Variants in FANCI observed in about 807,000 individuals in gnomAD.
FANCI encodes the protein FA complementation group I, also known as Fanconi anemia group I protein.
A neutral mutation model predicts 176.1 loss-of-function variants in FANCI; 156 were observed. The ratio of observed to expected loss-of-function variants is 0.89; its 90% confidence interval spans 0.78 to 1.01. The LOEUF (loss-of-function observed/expected upper bound fraction) is 1.01. Ranked by LOEUF, FANCI falls within the 50% of genes least tolerant of loss-of-function variation. The pLI is 0.00. For synonymous variants in FANCI, 613 were observed against 541.7 expected (o/e 1.13, Z -1.83); for missense variants, 1,678 against 1,534.1 (o/e 1.09, Z -1.57).
chr15:89,274,185 G>C lies in FANCI; in HGVS notation c.993G>C (p.Lys331Asn), dbSNP rs146916445. 3 of 1,575,494 alleles carry C rather than the reference G, an allele frequency of 1.9e-6. No homozygotes were observed. In the Middle Eastern group the frequency reaches 5.7e-4, roughly 301 times the overall value. Residue 331 changes from lysine (K) to asparagine (N), a missense_variant, in exon 12 of 38, where the codon AAG (lysine) becomes AAC (asparagine). By Grantham distance (94) the Lys-to-Asn change is moderately conservative. This residue lies in a region of FANCI where 469 missense variants were observed against 436.9 expected (regional missense o/e 1.07). Coordinates refer to ENST00000310775, the MANE Select transcript of FANCI (RefSeq NM_001113378.2). The stretch of plus-strand genomic sequence containing the variant: ...TACTCAAGGTGCTTGATCTTTTAAA[G>C]ACTTCGGTTGTAAAGAGCTTTAAGG... ...RFQDQVLDLL[K>N]TSVVKSFKDL...
Position 89,305,170 on chromosome 15 carries a change from G to A in FANCI, c.3114G>A (p.Ser1038=), listed in dbSNP as rs567952571. 278 of 1,614,164 alleles carry A rather than the reference G, an allele frequency of 1.7e-4. No homozygotes were observed. The highest frequency in any genetic ancestry group is 2.2e-4 in the Non-Finnish European group (259 of 1,180,032). Residue 1038 remains serine, a synonymous_variant, in exon 29 of 38, where the codon TCG becomes TCA. Coordinates refer to ENST00000310775, the MANE Select transcript of FANCI (RefSeq NM_001113378.2). The part of the protein sequence containing the change: ...LMNLLFSLHV[S]YKSPVILLRD... Reference sequence around the variant, plus strand: ...ACTTGCTCTTCAGCCTGCATGTTTCGTATAAGAGTCCTGTCATTCTGCTGC... The same window carrying A: ...ACTTGCTCTTCAGCCTGCATGTTTCATATAAGAGTCCTGTCATTCTGCTGC...
At chr15:89,293,107 C>T (rs948259021) in intron 22 of FANCI, 44 bp downstream of exon 22, 2 of 1,598,998 alleles carry the variant, frequency 1.3e-6, no homozygotes, top group Middle Eastern at 2.2e-4. Flanking sequence ...ATGAATTCTC[C>T]ATTTTATTTA....
At chr15:89,278,349 A>G (rs1017568624) in intron 13 of FANCI, among the ~76,000 whole-genome samples, 1 of 152,232 alleles carries the variant, frequency 6.6e-6, no homozygotes, top group East Asian at 1.9e-4. Context: ...TTTTTAGAAT[A>G]AAAGTTATGT....
chr15:89,245,399 A>G (rs1407815944), intron 1 of FANCI: 1 of 117,042 alleles, frequency 8.5e-6, no homozygotes, highest in African/African-American at 3.4e-5. Context: ...GGGTTTCACC[A>G]TCTTGGCCAG....
In FANCI at chr15:89,293,287, T is replaced by TA. The variant is rs565786186; in HGVS notation, c.2291+225dup. On this transcript the variant is annotated intron_variant, in intron 22 of 37. Coordinates refer to ENST00000310775, the MANE Select transcript of FANCI (RefSeq NM_001113378.2). ...GAAAGCCTTCCAGCAGGGTTTCACTTACTCAGAATTTCCCAGACCCTGAAT... is the reference window on the plus strand; with the variant it reads ...GAAAGCCTTCCAGCAGGGTTTCACTTAACTCAGAATTTCCCAGACCCTGAAT... 1.4e-3 allele frequency among the ~76,000 whole-genome samples: 217 copies of TA among 152,332 alleles called. 1 individual carries two copies. The highest frequency in any genetic ancestry group is 4.7e-3 in the African/African-American group (194 of 41,570).
intron 27 of FANCI, 128 bp downstream of exon 27, chr15:89,301,570 A>G: frequency 1.3e-6 from 1 of 778,478 alleles, no homozygotes. Context: ...TTAATTATAC[A>G]CCTGAGTTAA....
At chr15:89,303,750 T>C (rs2054609515) in intron 27 of FANCI, 114 bp from the exon 28 acceptor site, 11 of 830,666 alleles carry the variant, frequency 1.3e-5, no homozygotes, top group East Asian at 5.0e-5. Context: ...TCTAAGGACA[T>C]GTTTTGGCAG....
In FANCI at chr15:89,305,404, G is replaced by A. The variant is rs1216297905; in HGVS notation, c.3250G>A (p.Val1084Ile). 1.2e-6 allele frequency: 2 copies of A among 1,613,468 alleles called. No homozygotes were observed. Among genetic ancestry groups the A allele is most frequent in the Non-Finnish European group, 8.5e-7 (1 of 1,179,982 alleles). ...GAATTTGAGAACGGCTGCCCCCACT[G>A]TCTGTGTAAGTGTTGTACCTGAGCC... is the stretch of plus-strand genomic sequence containing the variant. The part of the protein sequence containing the change: ...IVNLRTAAPT[V>I]CLLVLSQAEK... Residue 1084 changes from valine (V) to isoleucine (I), a missense_variant, in exon 30 of 38, where the codon GTC (valine) becomes ATC (isoleucine). This residue lies in a region of FANCI where 1,204 missense variants were observed against 1,077.4 expected (regional missense o/e 1.12). Coordinates refer to ENST00000310775, the MANE Select transcript of FANCI (RefSeq NM_001113378.2).
intron 17 of FANCI, among the ~76,000 whole-genome samples, chr15:89,284,353 G>A (rs933263205): frequency 1.3e-5 from 2 of 152,086 alleles, no homozygotes; most frequent in African/African-American, 4.8e-5. Context: ...ATATATAACA[G>A]TTTGACTAGG....
In FANCI at chr15:89,273,425, G is replaced by A. The variant is rs2053278577; in HGVS notation, c.931G>A (p.Ala311Thr). The change falls in exon 11 of 38, where the codon GCT becomes ACT. Residue 311 changes from alanine (A) to threonine (T), a missense_variant. Coordinates refer to ENST00000310775, the MANE Select transcript of FANCI (RefSeq NM_001113378.2). ...SNNNLSPFSIALLLSVTRIQR... is the reference protein window; with the variant it reads ...SNNNLSPFSITLLLSVTRIQR... Reference sequence around the variant, plus strand: ...TAATAACTTAAGTCCCTTCAGCATTGCTCTTCTTCTGTCTGTAACAAGAAT... The same window carrying A: ...TAATAACTTAAGTCCCTTCAGCATTACTCTTCTTCTGTCTGTAACAAGAAT... 6 of 1,604,264 alleles carry A rather than the reference G, an allele frequency of 3.7e-6. No individual in the cohort carries two copies. The highest frequency in any genetic ancestry group is 5.1e-6 in the Non-Finnish European group (6 of 1,176,452).
chr15:89,281,381 T>C (rs2053608324), intron 15 of FANCI, 81 bp downstream of exon 15: 5 of 1,505,242 alleles, frequency 3.3e-6, no homozygotes, highest in Non-Finnish European at 9.2e-7. Flanking sequence ...TTTGTATAAA[T>C]ATATATGTCT....
intron 1 of FANCI, among the ~76,000 whole-genome samples, chr15:89,246,266 C>G (rs73475351): frequency 0.05 from 7,654 of 152,262 alleles, 609 homozygotes; most frequent in African/African-American, 0.17. Context: ...CACCCTAGTA[C>G]AGGTCTTTAT....
intron 22 of FANCI, 108 bp from the exon 23 acceptor site, chr15:89,293,725 C>G (rs972052745): frequency 4.7e-6 from 5 of 1,059,010 alleles, no homozygotes; most frequent in Non-Finnish European, 5.8e-6. Flanking sequence ...TATAATGTTA[C>G]GTCTAAAATA....
intron 34 of FANCI, among the ~76,000 whole-genome samples, chr15:89,308,681 A>G (rs2054826154): frequency 1.3e-5 from 2 of 152,174 alleles, no homozygotes; most frequent in African/African-American, 4.8e-5. Flanking sequence ...ACAGTGGCTC[A>G]TGCCTGTAAT....
At chr15:89,314,285 G>C (rs1244463153) in intron 35 of FANCI, among the ~76,000 whole-genome samples, 1 of 152,196 alleles carries the variant, frequency 6.6e-6, no homozygotes, top group Non-Finnish European at 1.5e-5. Context: ...CAAGGAAATA[G>C]AGCTAGGGCC....
At chr15:89,310,328 CA>C (rs2054905357) in intron 34 of FANCI, among the ~76,000 whole-genome samples, 1 of 152,230 alleles carries the variant, frequency 6.6e-6, no homozygotes, top group South Asian at 2.1e-4. Flanking sequence ...GGGCTATAGT[CA>C]GTCAACCATT....
chr15:89,274,135 T>C, intron 11 of FANCI, 33 bp from the exon 12 acceptor site: 3 of 1,458,826 alleles, frequency 2.1e-6, no homozygotes, highest in Non-Finnish European at 2.8e-6. Context: ...TATTTATTTA[T>C]TTTTTCATTT....
rs1469567421 is a variant in FANCI at position 89,293,938 on chromosome 15, G to C, written c.2397G>C (p.Lys799Asn). The change falls in exon 23 of 38, where the codon AAG (lysine) becomes AAC (asparagine). Residue 799 changes from lysine to asparagine, a missense_variant. Physicochemically the swap from Lys to Asn is moderately conservative, Grantham distance 94. This residue lies in a region of FANCI where 1,204 missense variants were observed against 1,077.4 expected (regional missense o/e 1.12). Coordinates refer to ENST00000310775, the MANE Select transcript of FANCI (RefSeq NM_001113378.2). ...AGKAKTKMAN[K>N]TSDSLLSMKF... ...AAGCCAAAACTAAAATGGCCAACAA[G>C]ACAAGTGATAGTCTTTTGTCCATGA... 6.2e-7 allele frequency: 1 copy of C among 1,614,064 alleles called. No individual in the cohort carries two copies. The highest frequency in any genetic ancestry group is 8.5e-7 in the Non-Finnish European group (1 of 1,180,002).
At chr15:89,259,666 C>A (rs1196644802) in intron 3 of FANCI, among the ~76,000 whole-genome samples, 1 of 152,148 alleles carries the variant, frequency 6.6e-6, no homozygotes, top group Non-Finnish European at 1.5e-5. Flanking sequence ...CTAGTCCATT[C>A]CAGTCCTAAG....
Sources: gnomAD v4.1 joint callset for allele counts (sites outside exome capture counted in the v4.1 genomes callset) on GRCh38, gnomAD v4.1.1 for gene constraint, gnomAD v4.1.1 regional missense constraint, MANE v1.5 for transcripts, NCBI Gene and HGNC (gene_info 2026-07-23, HGNC 2026-07-21) for gene names.